Variants in FAR2 observed in about 807,000 individuals in gnomAD.
The protein encoded by FAR2 is fatty acyl-CoA reductase 2.
FAR2 carries 19 observed loss-of-function variants against 56.0 expected under a neutral mutation model. The ratio of observed to expected loss-of-function variants is 0.34; its 90% CI spans 0.24 to 0.50. The LOEUF (loss-of-function observed/expected upper bound fraction) is 0.50. Among genes scored for constraint, FAR2 ranks in the 20% least tolerant of loss-of-function variants. FAR2 has a pLI of 0.98. For synonymous variants in FAR2, 219 were observed against 218.8 expected, an observed-to-expected ratio of 1.00 and a Z score of -0.01; for missense variants, 508 against 642.2, an observed-to-expected ratio of 0.79 and a Z score of 2.26.
intron 1 of FAR2, among the ~76,000 whole-genome samples, chr12:29,228,265 A>C (rs1250231950): frequency 6.6e-6 from 1 of 152,180 alleles, no homozygotes; most frequent in Non-Finnish European, 1.5e-5. Flanking sequence ...CTTTGTTTCC[A>C]AATGAAACAA....
At chr12:29,182,637 A>G (rs766717525) in intron 1 of FAR2, among the ~76,000 whole-genome samples, 16 of 152,290 alleles carry the variant, frequency 1.1e-4, no homozygotes, top group Non-Finnish European at 1.6e-4. Flanking sequence ...TCATAAGACA[A>G]TGAGTTTCTG....
chr12:29,283,800 T>G (rs954732533), intron 2 of FAR2, among the ~76,000 whole-genome samples: 6 of 152,204 alleles, frequency 3.9e-5, no homozygotes, highest in Non-Finnish European at 7.3e-5. Flanking sequence ...GAAAATATGC[T>G]CATGTAATTA....
In FAR2 at chr12:29,240,565, T is replaced by C. The variant is rs1456929678; in HGVS notation, c.-38-29847T>C. On this transcript the variant is annotated intron_variant, in intron 1 of 11. Transcript: ENST00000536681. The stretch of plus-strand genomic sequence containing the variant: ...AATGTGAATTTACTGCCTTGTCTCA[T>C]CATCCACAGCCCAGTTTGCTTCATG... Among the ~76,000 whole-genome samples the C allele has an allele frequency of 3.3e-5, 5 of 151,814 alleles. No homozygotes were observed. In the East Asian group the frequency reaches 7.7e-4, roughly 24 times the overall value.
chr12:29,235,363 G>A (rs11835370), intron 1 of FAR2, among the ~76,000 whole-genome samples: 6,568 of 152,180 alleles, frequency 0.043, 184 homozygotes, highest in Middle Eastern at 0.089. Context: ...TCATATTTTC[G>A]CTGCAGTCCA....
At chr12:29,242,175 T>G (rs1948047595) in intron 1 of FAR2, among the ~76,000 whole-genome samples, 1 of 152,208 alleles carries the variant, frequency 6.6e-6, no homozygotes, top group African/African-American at 2.4e-5. Flanking sequence ...TTTGAGGCCT[T>G]TCCCTTGGCT....
intron 1 of FAR2, among the ~76,000 whole-genome samples, chr12:29,213,112 A>G (rs751741248): frequency 1.3e-4 from 19 of 151,996 alleles, no homozygotes; most frequent in African/African-American, 4.6e-4. Context: ...ATTTATCCCT[A>G]CAGAATATCT....
At chr12:29,274,406 A>G (rs939740320) in intron 2 of FAR2, among the ~76,000 whole-genome samples, 12 of 151,882 alleles carry the variant, frequency 7.9e-5, no homozygotes, top group African/African-American at 2.2e-4. Context: ...GTATTCCATG[A>G]TGTATATGTG....
intron 1 of FAR2, among the ~76,000 whole-genome samples, chr12:29,264,859 CAGT>C (rs1463721398): frequency 6.6e-6 from 1 of 150,664 alleles, no homozygotes; most frequent in Non-Finnish European, 1.5e-5. Context: ...ATATAAAAAT[CAGT>C]AGTATTTCTA....
At chr12:29,331,209 G>C (rs1949726818) in intron 10 of FAR2, among the ~76,000 whole-genome samples, 1 of 124,552 alleles carries the variant, frequency 8.0e-6, no homozygotes, top group South Asian at 2.8e-4. Flanking sequence ...CTAAAGATAG[G>C]CTTTTTTTTT....
At position 29,324,143 on chromosome 12, in the gene FAR2, T is replaced by G. The variant is rs1158767861; in HGVS notation, c.1257+2219T>G. 3.9e-5 allele frequency among the ~76,000 whole-genome samples: 6 copies of G among 152,098 alleles called. No individual in the cohort carries two copies. The East Asian group carries it at 7.7e-4, about 20-fold the overall frequency. On this transcript the variant is annotated intron_variant, in intron 10 of 11. Coordinates refer to ENST00000536681, the MANE Select transcript of FAR2 (RefSeq NM_001271783.2). ...CGATGCGATCAACTGGAAGAAAGGG[T>G]GTCAGCGATGGAAGACGAAATGAAT...
chr12:29,252,677 G>A lies in FAR2; in HGVS notation c.-38-17735G>A, dbSNP rs114685241. 5.3e-3 allele frequency among the ~76,000 whole-genome samples: 807 copies of A among 152,260 alleles called. 7 individuals are homozygous for A. The highest frequency in any genetic ancestry group is 0.018 in the African/African-American group (765 of 41,548). On this transcript the variant is annotated intron_variant, in intron 1 of 11. Coordinates refer to ENST00000536681, the MANE Select transcript of FAR2 (RefSeq NM_001271783.2). ...CCAAGAGCTTTGCATCCTCTTCTGG[G>A]GAAAGGGTTAGTGCGTTTTTGGTTG...
At position 29,203,999 on chromosome 12, in the gene FAR2, CA is replaced by C. The variant is rs34399942; in HGVS notation, c.-39+54616del. The stretch of plus-strand genomic sequence containing the variant: ...TGGGAGAGAGAGTGAGATTCCATCT[CA>C]AAAAAAAAAAAAAAAAAAAAAAAGA... On this transcript the variant is annotated intron_variant, in intron 1 of 11. Coordinates refer to ENST00000536681, the MANE Select transcript of FAR2 (RefSeq NM_001271783.2). Among the ~76,000 whole-genome samples the C allele has an allele frequency of 9.7e-3, 660 of 68,038 alleles. 2 individuals carry two copies. The highest frequency in any genetic ancestry group is 0.043 in the African/African-American group (638 of 14,732). The allele number at this position is 68,038 out of a possible 152,430, so 44.6% of individuals were successfully genotyped here. A position where few individuals can be genotyped will look rare whatever the true frequency, so the allele number is the denominator to read the frequency against.
At chr12:29,172,606 G>C (rs2136588717) in intron 1 of FAR2, among the ~76,000 whole-genome samples, 1 of 152,244 alleles carries the variant, frequency 6.6e-6, no homozygotes, top group South Asian at 2.1e-4. Flanking sequence ...AATGCCTCCA[G>C]ATTTTGTTCA....
intron 1 of FAR2, among the ~76,000 whole-genome samples, chr12:29,162,817 T>G (rs1334853638): frequency 1.3e-5 from 2 of 152,166 alleles, no homozygotes; most frequent in East Asian, 3.9e-4. Flanking sequence ...GTGGAAGACA[T>G]GGAATAAGGA....
intron 1 of FAR2, among the ~76,000 whole-genome samples, chr12:29,252,797 C>CA (rs1171917518): frequency 6.6e-6 from 1 of 152,182 alleles, no homozygotes; most frequent in Non-Finnish European, 1.5e-5. Context: ...GCCAAGTTGA[C>CA]ACGGGGTGGA....
At chr12:29,296,352 TTAAC>T (rs1406516531) in intron 3 of FAR2, among the ~76,000 whole-genome samples, 5 of 152,236 alleles carry the variant, frequency 3.3e-5, no homozygotes, top group Non-Finnish European at 7.3e-5. Flanking sequence ...GTGAATTTGT[TTAAC>T]TAAATTGGAA....
At position 29,233,336 on chromosome 12, in the gene FAR2, A is replaced by T. The variant is rs531756133; in HGVS notation, c.-38-37076A>T. ...AATTTTTGGATAGACTCTGAATCTT[A>T]ATACTTCTGTCTGCCCTGGTCATCT... On this transcript the variant is annotated intron_variant, in intron 1 of 11. Transcript: ENST00000536681. Among the ~76,000 whole-genome samples the T allele has an allele frequency of 2.0e-5, 3 of 152,192 alleles. No individual in the cohort carries two copies. In the South Asian group the frequency reaches 6.2e-4, roughly 32 times the overall value.
At chr12:29,159,521 G>GA (rs10623094) in intron 1 of FAR2, among the ~76,000 whole-genome samples, 42,393 of 139,718 alleles carry the variant, frequency 0.3, 6,710 homozygotes, top group East Asian at 0.34. Flanking sequence ...CTCTGTCTCG[G>GA]AAAAAAAAAA....
intron 2 of FAR2, among the ~76,000 whole-genome samples, chr12:29,285,176 CTT>C (rs1228125497): frequency 1.3e-5 from 2 of 151,888 alleles, no homozygotes; most frequent in African/African-American, 4.8e-5. Context: ...TTTTCAGACT[CTT>C]TTGTAGGGAA....
Sources: gnomAD v4.1 joint callset for allele counts (sites outside exome capture counted in the v4.1 genomes callset) on GRCh38, gnomAD v4.1.1 for gene constraint, MANE v1.5 for transcripts, NCBI Gene and HGNC (gene_info 2026-07-23, HGNC 2026-07-21) for gene names.